Variants in FAM184B observed in about 807,000 individuals in gnomAD.
FAM184B encodes the protein family with sequence similarity 184 member B.
A neutral mutation model predicts 135.9 loss-of-function variants in FAM184B; 111 were observed. The ratio of observed to expected loss-of-function variants is 0.82; its 90% CI spans 0.70 to 0.96. The LOEUF (loss-of-function observed/expected upper bound fraction) is 0.96. Among genes scored for constraint, FAM184B ranks in the 40% least tolerant of loss-of-function variants. The probability of loss-of-function intolerance (pLI) is 0.00; values close to 1 mark genes in which losing one functional copy is unlikely to be tolerated. For missense variants in FAM184B, 1,375 were observed against 1,323.9 expected (o/e 1.04, Z -0.60); for synonymous variants, 552 against 524.8 (o/e 1.05, Z -0.71).
intron 10 of FAM184B, 147 bp from the exon 11 acceptor site, chr4:17,653,130 G>C (rs1438938090): frequency 1.2e-6 from 1 of 808,744 alleles, no homozygotes; most frequent in Non-Finnish European, 2.0e-6. Flanking sequence ...GAATGCTGTA[G>C]CAATGGCCTG....
chr4:17,758,259 C>T (rs1718464732), intron 1 of FAM184B, among the ~76,000 whole-genome samples: 1 of 152,170 alleles, frequency 6.6e-6, no homozygotes, highest in African/African-American at 2.4e-5. Flanking sequence ...TACAGCAAGC[C>T]TCCTTAAAGA....
At chr4:17,656,262 C>A (rs76024420) in intron 10 of FAM184B, among the ~76,000 whole-genome samples, 1,693 of 152,300 alleles carry the variant, frequency 0.011, 22 homozygotes, top group African/African-American at 0.039. Context: ...ACCTGGGAAT[C>A]TCCCCAAGCT....
chr4:17,666,350 C>CT (rs1716048715), intron 7 of FAM184B, among the ~76,000 whole-genome samples: 1 of 146,552 alleles, frequency 6.8e-6, no homozygotes, highest in Non-Finnish European at 1.5e-5. Flanking sequence ...GTCACCCAGG[C>CT]TGATGTGCAG....
chr4:17,633,357 T>C, intron 17 of FAM184B: 1 of 195,582 alleles, frequency 5.1e-6, no homozygotes, highest in South Asian at 1.8e-4. Context: ...ATTCCTTTAG[T>C]CTCACGTCAG....
intron 1 of FAM184B, among the ~76,000 whole-genome samples, chr4:17,765,982 C>G (rs11942856): frequency 1.1e-4 from 17 of 152,058 alleles, no homozygotes; most frequent in African/African-American, 4.1e-4. Flanking sequence ...TCATTCCCCC[C>G]GGCAGGTTCA....
intron 8 of FAM184B, among the ~76,000 whole-genome samples, chr4:17,660,372 T>A (rs1276413923): frequency 6.6e-6 from 1 of 152,128 alleles, no homozygotes; most frequent in East Asian, 1.9e-4. Context: ...TCTTAATAAA[T>A]GATGATCAAC....
chr4:17,752,139 T>A (rs945911671), intron 1 of FAM184B, among the ~76,000 whole-genome samples: 9 of 152,176 alleles, frequency 5.9e-5, no homozygotes, highest in Admixed American at 2.0e-4. Flanking sequence ...TTGGAAGTCT[T>A]CAGTACTAGT....
At chr4:17,715,794 T>C (rs1474224619) in intron 1 of FAM184B, among the ~76,000 whole-genome samples, 1 of 152,054 alleles carries the variant, frequency 6.6e-6, no homozygotes, top group Non-Finnish European at 1.5e-5. Context: ...AAAAAAGAGA[T>C]TTCTTATTTT....
In FAM184B at chr4:17,781,384, G is replaced by C. The variant is rs1719030707; in HGVS notation, c.-85C>G. On this transcript the variant is annotated 5_prime_UTR_variant, in exon 1 of 18. Coordinates refer to ENST00000265018, the MANE Select transcript of FAM184B (RefSeq NM_015688.2). The surrounding 1 kb of genome is among the most constrained non-coding windows in gnomAD (Gnocchi z 6.5). ...TGCGTGCGCGCGCGGGCGTGCGAGC[G>C]TGTGGGTTTCTCGGGAGAGGTGGCA... is the stretch of plus-strand genomic sequence containing the variant. 7.2e-7 allele frequency: 1 copy of C among 1,393,570 alleles called. No homozygotes were observed. The highest frequency in any genetic ancestry group is 3.0e-5 in the Admixed American group (1 of 32,956). The allele number at this position is 1,393,570 out of a possible 1,614,324, so 86.3% of individuals were successfully genotyped here.
At position 17,771,235 on chromosome 4, in the gene FAM184B, A is replaced by G. The variant is rs544264164; in HGVS notation, c.141+9924T>C. On this transcript the variant is annotated intron_variant, in intron 1 of 17. Coordinates refer to ENST00000265018, the MANE Select transcript of FAM184B (RefSeq NM_015688.2). ...TGGCAGTGTATGGGAATGCTGATTC[A>G]GTTTTAAGATCACTCTGGCTGCTGT... 1.2e-4 allele frequency among the ~76,000 whole-genome samples: 19 copies of G among 152,268 alleles called. No homozygotes were observed. The South Asian group carries it at 3.5e-3, about 28-fold the overall frequency.
intron 12 of FAM184B, among the ~76,000 whole-genome samples, chr4:17,645,259 G>A (rs1277156750): frequency 2.6e-5 from 4 of 152,126 alleles, no homozygotes; most frequent in Non-Finnish European, 5.9e-5. Flanking sequence ...AAAAGAGCCT[G>A]CGTCGCCAAG....
chr4:17,704,674 T>G (rs1717066158), intron 5 of FAM184B, among the ~76,000 whole-genome samples: 1 of 152,218 alleles, frequency 6.6e-6, no homozygotes, highest in Non-Finnish European at 1.5e-5. Context: ...TTTCTCTGTG[T>G]GTTTTTGCAG....
chr4:17,683,813 T>G (rs941571591), intron 7 of FAM184B, among the ~76,000 whole-genome samples: 2 of 152,088 alleles, frequency 1.3e-5, no homozygotes, highest in Non-Finnish European at 2.9e-5. Flanking sequence ...CAGTGGTTCA[T>G]GTCTGTAATC....
intron 1 of FAM184B, among the ~76,000 whole-genome samples, chr4:17,744,236 C>A (rs1237400379): frequency 6.6e-6 from 1 of 152,058 alleles, no homozygotes; most frequent in Non-Finnish European, 1.5e-5. Flanking sequence ...CCCTTCACAG[C>A]AATACCAAGA....
At chr4:17,775,578 G>A (rs1031772211) in intron 1 of FAM184B, among the ~76,000 whole-genome samples, 1 of 152,150 alleles carries the variant, frequency 6.6e-6, no homozygotes, top group South Asian at 2.1e-4. Flanking sequence ...CCCAACATTT[G>A]TATTCCAGTT....
chr4:17,669,175 G>T (rs984961604), intron 7 of FAM184B, among the ~76,000 whole-genome samples: 2 of 152,118 alleles, frequency 1.3e-5, no homozygotes, highest in African/African-American at 4.8e-5. Context: ...TCATTGTTGT[G>T]TATTTTCAAA....
intron 7 of FAM184B, among the ~76,000 whole-genome samples, chr4:17,686,624 T>C (rs904042787): frequency 6.6e-6 from 1 of 152,222 alleles, no homozygotes; most frequent in African/African-American, 2.4e-5. Flanking sequence ...TTCTATAACA[T>C]GGGTGCCTTA....
Position 17,633,864 on chromosome 4 carries a change from T to A in FAM184B, c.2914A>T (p.Ser972Cys). Residue 972 changes from serine to cysteine, a missense_variant, in exon 17 of 18, where the codon AGC (serine) becomes TGC (cysteine). Ser to Cys is a moderately radical substitution (Grantham distance 112). Coordinates refer to ENST00000265018, the MANE Select transcript of FAM184B (RefSeq NM_015688.2). ...AGGTTCGGCACGCTGACCACGCGGC[T>A]GGGCACGTCCTCCACCTTCTTTTTC... The part of the protein sequence containing the change: ...MKKKKVEDVP[S>C]RVVSVPNLAS... The A allele has an allele frequency of 6.4e-7, 1 of 1,550,608 alleles. No individual in the cohort carries two copies. The highest frequency in any genetic ancestry group is 8.7e-7 in the Non-Finnish European group (1 of 1,146,536).
chr4:17,636,765 A>C, intron 14 of FAM184B, 120 bp from the exon 15 acceptor site: 3 of 830,398 alleles, frequency 3.6e-6, no homozygotes, highest in Non-Finnish European at 5.5e-6. Flanking sequence ...AGGCCCAGAT[A>C]GCAGCAGCGG....
Sources: gnomAD v4.1 joint callset for allele counts (sites outside exome capture counted in the v4.1 genomes callset) on GRCh38, gnomAD v4.1.1 for gene constraint, Gnocchi (gnomAD v3.1) non-coding constraint, MANE v1.5 for transcripts, NCBI Gene and HGNC (gene_info 2026-07-23, HGNC 2026-07-21) for gene names.